Variants in NTN4 observed in about 807,000 individuals in gnomAD.
The protein encoded by NTN4 is netrin 4.
Under a neutral mutation model 73.6 loss-of-function variants are expected in NTN4, and 32 were observed. That is an observed-to-expected ratio of 0.44 (90% CI 0.33 to 0.58). The LOEUF is 0.58. NTN4 is among the 20% of genes least tolerant of loss of function. The probability of loss-of-function intolerance (pLI) is 0.04; values close to 1 mark genes in which losing one functional copy is unlikely to be tolerated. For synonymous variants in NTN4, 258 were observed against 287.5 expected, an observed-to-expected ratio of 0.90 and a Z score of 1.04; for missense variants, 654 against 798.3, an observed-to-expected ratio of 0.82 and a Z score of 2.18.
chr12:95,773,428 G>C (rs1478847643), intron 2 of NTN4, among the ~76,000 whole-genome samples: 1 of 152,206 alleles, frequency 6.6e-6, no homozygotes, highest in Non-Finnish European at 1.5e-5. Flanking sequence ...GGATTGAATT[G>C]ATCTAGGCAT....
chr12:95,685,475 A>C (rs924496732), intron 5 of NTN4, among the ~76,000 whole-genome samples: 1 of 152,190 alleles, frequency 6.6e-6, no homozygotes, highest in Non-Finnish European at 1.5e-5. Context: ...TTATTGTGGT[A>C]TCTACATCTC....
intron 5 of NTN4, among the ~76,000 whole-genome samples, chr12:95,704,361 TA>T (rs2078508398): frequency 6.6e-6 from 1 of 152,130 alleles, no homozygotes. Context: ...ACCTTCCTCA[TA>T]AAAGTAAAGT....
At chr12:95,692,666 G>T (rs1265813205) in intron 5 of NTN4, among the ~76,000 whole-genome samples, 1 of 152,128 alleles carries the variant, frequency 6.6e-6, no homozygotes, top group Middle Eastern at 3.2e-3. Flanking sequence ...TGTGCATAAG[G>T]CTCTAAAACT....
intron 3 of NTN4, among the ~76,000 whole-genome samples, chr12:95,734,987 C>T (rs2078764554): frequency 6.6e-6 from 1 of 152,148 alleles, no homozygotes; most frequent in Non-Finnish European, 1.5e-5. Context: ...TATGGTGAGC[C>T]AAGATCGTGC....
chr12:95,677,847 A>G (rs1371167083), intron 7 of NTN4, among the ~76,000 whole-genome samples: 1 of 152,236 alleles, frequency 6.6e-6, no homozygotes, highest in Non-Finnish European at 1.5e-5. Context: ...TATACACCCA[A>G]AGGATTCTAA....
chr12:95,682,057 C>CTGTTTTTTT (rs2078320353), intron 7 of NTN4, among the ~76,000 whole-genome samples: 2 of 64,546 alleles, frequency 3.1e-5, no homozygotes, highest in Non-Finnish European at 5.2e-5. Context: ...ATTCAGTAGG[C>CTGTTTTTTT]TTTTTTTTTT....
At chr12:95,673,644 T>C (rs1393774294) in intron 7 of NTN4, 1 of 152,306 alleles carries the variant, frequency 6.6e-6, no homozygotes, top group African/African-American at 2.4e-5. Context: ...AAAAAAAGTA[T>C]AGTATATATA....
chr12:95,746,859 A>G (rs990751072), intron 2 of NTN4, among the ~76,000 whole-genome samples: 4 of 152,172 alleles, frequency 2.6e-5, no homozygotes, highest in Non-Finnish European at 5.9e-5. Context: ...TCTCTCAGGG[A>G]TCATTGTCCT....
intron 1 of NTN4, among the ~76,000 whole-genome samples, chr12:95,788,936 C>T (rs2079188204): frequency 6.6e-6 from 1 of 152,164 alleles, no homozygotes; most frequent in African/African-American, 2.4e-5. Context: ...TATTTACAAC[C>T]TTTCAATGGC....
chr12:95,680,960 T>C (rs1203202990), intron 7 of NTN4, among the ~76,000 whole-genome samples: 5 of 151,246 alleles, frequency 3.3e-5, no homozygotes, highest in Non-Finnish European at 7.4e-5. Context: ...GAGGCCGAGG[T>C]GGGTGGATCA....
chr12:95,731,522 C>T (rs11108223), intron 3 of NTN4, among the ~76,000 whole-genome samples: 54,018 of 151,944 alleles, frequency 0.36, 11,323 homozygotes, highest in Non-Finnish European at 0.47. Context: ...GCCGAGATTG[C>T]GCCACTGTGC....
chr12:95,762,875 G>C (rs577093055), intron 2 of NTN4, among the ~76,000 whole-genome samples: 1 of 152,290 alleles, frequency 6.6e-6, no homozygotes, highest in South Asian at 2.1e-4. Context: ...TCTCATTTCG[G>C]CTTCTAAAAC....
At chr12:95,769,101 A>AAGAACTTCCAGGGAAGT (rs1380866186) in intron 2 of NTN4, among the ~76,000 whole-genome samples, 1 of 152,194 alleles carries the variant, frequency 6.6e-6, no homozygotes, top group African/African-American at 2.4e-5. Flanking sequence ...GGAAGGGAAG[A>AAGAACTTCCAGGGAAGT]AGAACTTCCA....
At chr12:95,709,409 C>T (rs1447077684) in intron 5 of NTN4, among the ~76,000 whole-genome samples, 1 of 152,254 alleles carries the variant, frequency 6.6e-6, no homozygotes, top group Non-Finnish European at 1.5e-5. Flanking sequence ...GCCCTGCATG[C>T]ACCCTTTACA....
intron 3 of NTN4, among the ~76,000 whole-genome samples, chr12:95,719,923 C>T (rs1346339284): frequency 6.6e-6 from 1 of 152,114 alleles, no homozygotes; most frequent in African/African-American, 2.4e-5. Context: ...AGCTTTACTG[C>T]TTATTCTTTG....
chr12:95,742,617 G>A (rs549865075), intron 2 of NTN4, among the ~76,000 whole-genome samples: 9 of 152,148 alleles, frequency 5.9e-5, no homozygotes, highest in Non-Finnish European at 1.2e-4. Context: ...CTGCTAGCTT[G>A]AGGAATAATA....
chr12:95,754,572 G>A (rs1031848371), intron 2 of NTN4, among the ~76,000 whole-genome samples: 9 of 152,076 alleles, frequency 5.9e-5, no homozygotes, highest in South Asian at 2.1e-4. Context: ...GCCCTGCCCC[G>A]CCTTAACTGA....
chr12:95,672,796 C>A lies in NTN4; in HGVS notation c.1511-2650G>T, dbSNP rs1474377474. The A allele has an allele frequency of 6.8e-6, 9 of 1,323,336 alleles. No individual in the cohort carries two copies. The African/African-American group carries it at 1.0e-4, about 15-fold the overall frequency. The allele number at this position is 1,323,336 out of a possible 1,614,324, so 82.0% of individuals were successfully genotyped here. A position where few individuals can be genotyped will look rare whatever the true frequency, so the allele number is the denominator to read the frequency against. On this transcript the variant is annotated intron_variant, in intron 7 of 9. Coordinates refer to ENST00000343702, the MANE Select transcript of NTN4 (RefSeq NM_021229.4). ...GAAGGACACTATTGCCAGCGCTCTG[C>A]CCTTTTGGAATAAAGAAATAGTTCC...
intron 3 of NTN4, among the ~76,000 whole-genome samples, chr12:95,715,118 A>G (rs1332285327): frequency 6.6e-6 from 1 of 152,162 alleles, no homozygotes; most frequent in African/African-American, 2.4e-5. Context: ...TATGGGCCTT[A>G]TGCTCACATA....
Sources: allele counts gnomAD v4.1 joint callset (sites outside exome capture counted in the v4.1 genomes callset), GRCh38; gene constraint gnomAD v4.1.1; transcripts MANE v1.5; gene names NCBI Gene and HGNC (gene_info 2026-07-23, HGNC 2026-07-21).